Variants in MYT1L observed in about 807,000 individuals in gnomAD.
The protein encoded by MYT1L is myelin transcription factor 1 like.
A neutral mutation model predicts 126.7 loss-of-function variants in MYT1L; 12 were observed. The ratio of observed to expected loss-of-function variants is 0.09; its 90% confidence interval spans 0.06 to 0.15. MYT1L has a LOEUF of 0.15. MYT1L is among the 10% of genes least tolerant of loss of function. MYT1L has a pLI of 1.00. For missense variants in MYT1L, 979 were observed against 1,585.2 expected (o/e 0.62, Z 6.49); for synonymous variants, 541 against 604.2 (o/e 0.90, Z 1.53).
At chr2:1,834,371 T>C (rs913978448) in intron 21 of MYT1L, among the ~76,000 whole-genome samples, 1 of 152,246 alleles carries the variant, frequency 6.6e-6, no homozygotes, top group Non-Finnish European at 1.5e-5. Flanking sequence ...TTCTGTGCGC[T>C]TAGCTGTGTT....
At chr2:2,028,665 C>T (rs1194022873) in intron 4 of MYT1L, among the ~76,000 whole-genome samples, 1 of 152,128 alleles carries the variant, frequency 6.6e-6, no homozygotes, top group African/African-American at 2.4e-5. Context: ...AGATAAAGAT[C>T]AGACTTAGTA....
At chr2:2,080,714 G>T (rs1436401434) in intron 3 of MYT1L, among the ~76,000 whole-genome samples, 1 of 152,182 alleles carries the variant, frequency 6.6e-6, no homozygotes, top group African/African-American at 2.4e-5. Flanking sequence ...ATGTTGGTGA[G>T]GATGTGGAGA....
At chr2:2,189,446 T>A (rs2092432819) in intron 2 of MYT1L, among the ~76,000 whole-genome samples, 1 of 152,234 alleles carries the variant, frequency 6.6e-6, no homozygotes. Context: ...AGAATTCAGC[T>A]GCTCTATTAA....
intron 3 of MYT1L, among the ~76,000 whole-genome samples, chr2:2,124,303 T>G (rs1168200575): frequency 6.6e-6 from 1 of 152,156 alleles, no homozygotes; most frequent in Non-Finnish European, 1.5e-5. Flanking sequence ...CTATTCTTTT[T>G]CTTTTTTTTT....
intron 9 of MYT1L, among the ~76,000 whole-genome samples, chr2:1,941,837 CACTGTAA>C (rs2056689709): frequency 6.6e-6 from 1 of 152,080 alleles, no homozygotes; most frequent in African/African-American, 2.4e-5. Flanking sequence ...AATCTTAAGC[CACTGTAA>C]CAATCTAGGA....
At chr2:2,277,141 C>A (rs1465586187) in intron 2 of MYT1L, among the ~76,000 whole-genome samples, 1 of 152,096 alleles carries the variant, frequency 6.6e-6, no homozygotes, top group African/African-American at 2.4e-5. Flanking sequence ...GCCACCACCC[C>A]CGGCTAATTT....
At chr2:2,197,858 C>G (rs770202202) in intron 2 of MYT1L, among the ~76,000 whole-genome samples, 50 of 147,994 alleles carry the variant, frequency 3.4e-4, no homozygotes, top group Non-Finnish European at 6.1e-4. Context: ...ATGTACCTAA[C>G]ATACACACAT....
At chr2:1,925,087 T>A (rs2054049699) in intron 9 of MYT1L, among the ~76,000 whole-genome samples, 1 of 152,208 alleles carries the variant, frequency 6.6e-6, no homozygotes, top group South Asian at 2.1e-4. Flanking sequence ...AACCACGAGA[T>A]GAATGATAAG....
At chr2:2,293,160 A>G (rs1386539674) in intron 1 of MYT1L, among the ~76,000 whole-genome samples, 1 of 152,216 alleles carries the variant, frequency 6.6e-6, no homozygotes, top group African/African-American at 2.4e-5. Flanking sequence ...ACTGTCGTTG[A>G]CATCAGGTGC....
chr2:1,956,639 GCTATCTATTTAT>G (rs2058498627), intron 8 of MYT1L, among the ~76,000 whole-genome samples: 1 of 135,204 alleles, frequency 7.4e-6, no homozygotes, highest in African/African-American at 2.8e-5. Context: ...TACCTATCTA[GCTATCTATTTAT>G]CTATCTATCA....
chr2:2,262,740 T>C (rs2095007147), intron 2 of MYT1L, among the ~76,000 whole-genome samples: 1 of 150,740 alleles, frequency 6.6e-6, no homozygotes, highest in Admixed American at 6.6e-5. Flanking sequence ...ACATCTGACC[T>C]GTCTTTGCAG....
At chr2:2,298,102 A>C (rs1304952233) in intron 1 of MYT1L, among the ~76,000 whole-genome samples, 1 of 152,218 alleles carries the variant, frequency 6.6e-6, no homozygotes, top group East Asian at 1.9e-4. Flanking sequence ...TTGTTCTCTG[A>C]TTAAGCCTGG....
chr2:2,269,492 G>A (rs951961804), intron 2 of MYT1L, among the ~76,000 whole-genome samples: 7 of 152,176 alleles, frequency 4.6e-5, no homozygotes, highest in Admixed American at 4.6e-4. Flanking sequence ...TTATATGCAG[G>A]CAGCTTTTAG....
intron 18 of MYT1L, among the ~76,000 whole-genome samples, chr2:1,859,611 A>G (rs2044322200): frequency 6.6e-6 from 1 of 152,260 alleles, no homozygotes; most frequent in Admixed American, 6.5e-5. Context: ...CAATAACTGT[A>G]GTAACCAGAA....
intron 18 of MYT1L, among the ~76,000 whole-genome samples, chr2:1,868,389 CTGT>C (rs541319169): frequency 7.0e-4 from 106 of 152,250 alleles, no homozygotes; most frequent in African/African-American, 2.3e-3. Flanking sequence ...TAAAAATGAT[CTGT>C]TGTTATGTAA....
At chr2:2,322,584 T>A (rs1559674985) in intron 1 of MYT1L, among the ~76,000 whole-genome samples, 3 of 151,080 alleles carry the variant, frequency 2.0e-5, no homozygotes, top group Non-Finnish European at 2.9e-5. Context: ...TATGACACAA[T>A]TTTGACCCTA....
chr2:2,005,072 G>T (rs531417953), intron 4 of MYT1L, among the ~76,000 whole-genome samples: 15 of 141,906 alleles, frequency 1.1e-4, no homozygotes, highest in African/African-American at 3.7e-4. Flanking sequence ...TCCTGCATGC[G>T]TTCTTTCCTG....
intron 21 of MYT1L, among the ~76,000 whole-genome samples, chr2:1,834,279 AC>A (rs535834650): frequency 1.8e-3 from 276 of 152,256 alleles, no homozygotes; most frequent in African/African-American, 6.0e-3. Context: ...GTTTGGGAAA[AC>A]CACCAGGCAG....
chr2:2,011,575 C>G (rs2063830591), intron 4 of MYT1L, among the ~76,000 whole-genome samples: 1 of 151,756 alleles, frequency 6.6e-6, no homozygotes, highest in Non-Finnish European at 1.5e-5. Flanking sequence ...AATACACCAC[C>G]ACAAAAGTGA....
Sources: gnomAD v4.1 joint callset for allele counts (sites outside exome capture counted in the v4.1 genomes callset) on GRCh38, gnomAD v4.1.1 for gene constraint, MANE v1.5 for transcripts, NCBI Gene and HGNC (gene_info 2026-07-23, HGNC 2026-07-21) for gene names.